Variants in FOXP2 observed in about 807,000 individuals in gnomAD.
FOXP2 encodes the protein forkhead box P2, also known as forkhead box protein P2.
A neutral mutation model predicts 115.8 loss-of-function variants in FOXP2; 12 were observed. The observed-to-expected ratio is 0.10, with a 90% confidence interval of 0.07 to 0.17. The LOEUF (loss-of-function observed/expected upper bound fraction) is 0.17, where lower values mean the gene tolerates loss of function less well. Ranked by LOEUF, FOXP2 falls within the 10% of genes least tolerant of loss-of-function variation. The probability of loss-of-function intolerance (pLI) is 1.00; values close to 1 mark genes in which losing one functional copy is unlikely to be tolerated. For missense variants in FOXP2, 629 were observed against 843.5 expected (o/e 0.75, Z 3.15); for synonymous variants, 328 against 297.7 (o/e 1.10, Z -1.05).
intron 1 of FOXP2, among the ~76,000 whole-genome samples, chr7:114,153,364 T>C (rs979565674): frequency 6.6e-6 from 1 of 152,156 alleles, no homozygotes; most frequent in Non-Finnish European, 1.5e-5. Flanking sequence ...TTGCATGCTG[T>C]CATTTTAGAT....
At chr7:114,342,496 ATACTT>A (rs775744574) in intron 2 of FOXP2, among the ~76,000 whole-genome samples, 1 of 151,458 alleles carries the variant, frequency 6.6e-6, no homozygotes, top group African/African-American at 2.4e-5. Context: ...AAATGAGAAA[ATACTT>A]TAGATAAATA....
chr7:114,590,844 C>T (rs1030891508), intron 3 of FOXP2, among the ~76,000 whole-genome samples: 3 of 152,000 alleles, frequency 2.0e-5, no homozygotes, highest in Admixed American at 2.0e-4. Flanking sequence ...AAAAATCAGA[C>T]AATCTGTTTC....
chr7:114,362,487 C>G (rs1368677079), intron 2 of FOXP2, among the ~76,000 whole-genome samples: 2 of 151,982 alleles, frequency 1.3e-5, no homozygotes, highest in African/African-American at 4.8e-5. Flanking sequence ...GAATGCCATG[C>G]TAAACAACTT....
chr7:114,462,313 A>G (rs1235396653), intron 2 of FOXP2, among the ~76,000 whole-genome samples: 2 of 146,390 alleles, frequency 1.4e-5, no homozygotes, highest in South Asian at 4.3e-4. Flanking sequence ...GGTAACAAAC[A>G]CTAAAGGACA....
At chr7:114,157,993 A>G (rs1422503569) in intron 1 of FOXP2, among the ~76,000 whole-genome samples, 1 of 152,130 alleles carries the variant, frequency 6.6e-6, no homozygotes, top group Non-Finnish European at 1.5e-5. Flanking sequence ...GAAAACAAAC[A>G]AAAAGACTTG....
In FOXP2 at chr7:114,690,132, T is replaced by C. The variant is rs563988777; in HGVS notation, c.*206T>C. The C allele has an allele frequency of 1.9e-3, 427 of 229,636 alleles. No homozygotes were observed. Among genetic ancestry groups the C allele is most frequent in the Middle Eastern group, 3.4e-3 (4 of 1,176 alleles). 14.2% of individuals were successfully genotyped at this position (229,636 alleles called of 1,614,324 possible). Reference sequence around the variant, plus strand: ...TTGTTTTCTTCTTCTTCTTCTTCTTTTTTTTTTTTTTTTTAGAAAAAAAGA... The same window carrying C: ...TTGTTTTCTTCTTCTTCTTCTTCTTCTTTTTTTTTTTTTTAGAAAAAAAGA... On this transcript the variant is annotated 3_prime_UTR_variant, in exon 17 of 17. Coordinates refer to ENST00000350908, the MANE Select transcript of FOXP2 (RefSeq NM_014491.4).
rs549246842 is a variant in FOXP2 at position 114,100,317 on chromosome 7, A to G, written c.-247+12479A>G. On this transcript the variant is annotated intron_variant, in intron 1 of 19. Transcript: ENST00000635638. ...TAATATTCATGTTTGCTAAAAATCC[A>G]TATTTGCTGAAGTTTTCCTTTAAAA... Among the ~76,000 whole-genome samples, 203 of 152,276 alleles carry G rather than the reference A, an allele frequency of 1.3e-3. 1 individual carries two copies. The South Asian group carries it at 0.015, about 11-fold the overall frequency.
chr7:114,151,074 T>C (rs899256916), intron 1 of FOXP2, among the ~76,000 whole-genome samples: 1 of 151,986 alleles, frequency 6.6e-6, no homozygotes, highest in Non-Finnish European at 1.5e-5. Flanking sequence ...CCATTTTTTT[T>C]CTCTAAATGG....
chr7:114,243,501 A>G (rs979534055), intron 1 of FOXP2, among the ~76,000 whole-genome samples: 2 of 152,102 alleles, frequency 1.3e-5, no homozygotes, highest in East Asian at 1.9e-4. Flanking sequence ...GGAGGTTGCT[A>G]TTGAGAATGG....
At chr7:114,124,841 T>C (rs1015801927) in intron 1 of FOXP2, among the ~76,000 whole-genome samples, 3 of 152,080 alleles carry the variant, frequency 2.0e-5, no homozygotes, top group Admixed American at 6.6e-5. Context: ...ATCTAAATGT[T>C]GTGTGCTGAA....
At chr7:114,539,926 G>C (rs1483704657) in intron 3 of FOXP2, among the ~76,000 whole-genome samples, 1 of 151,910 alleles carries the variant, frequency 6.6e-6, no homozygotes, top group Non-Finnish European at 1.5e-5. Flanking sequence ...GATCTCTTTG[G>C]AGCCTGTTTC....
At chr7:114,445,470 G>T (rs757807578) in intron 2 of FOXP2, among the ~76,000 whole-genome samples, 1 of 152,058 alleles carries the variant, frequency 6.6e-6, no homozygotes, top group Non-Finnish European at 1.5e-5. Flanking sequence ...TTAGTGTGTT[G>T]TGTTTCTAAG....
chr7:114,518,492 G>A (rs1798453133), intron 2 of FOXP2, among the ~76,000 whole-genome samples: 2 of 151,692 alleles, frequency 1.3e-5, no homozygotes, highest in African/African-American at 4.8e-5. Context: ...ACAGCCCTTT[G>A]ACCCAAAGAT....
intron 1 of FOXP2, among the ~76,000 whole-genome samples, chr7:114,097,973 G>A (rs572198826): frequency 3.9e-5 from 6 of 152,244 alleles, no homozygotes; most frequent in South Asian, 2.1e-4. Context: ...CTAATCTTCC[G>A]CCCAAGTCAG....
At chr7:114,391,473 G>A (rs916958169) in intron 2 of FOXP2, among the ~76,000 whole-genome samples, 4 of 152,102 alleles carry the variant, frequency 2.6e-5, no homozygotes, top group Non-Finnish European at 5.9e-5. Flanking sequence ...ATGTTTTTTG[G>A]TGTGGTACTT....
At chr7:114,681,147 AGCCTCACTGT>A (rs1808064932) in intron 16 of FOXP2, among the ~76,000 whole-genome samples, 1 of 152,202 alleles carries the variant, frequency 6.6e-6, no homozygotes, top group Non-Finnish European at 1.5e-5. Context: ...AGATATTAAA[AGCCTCACTGT>A]GCCTTATATA....
chr7:114,482,883 A>G (rs1166476663), intron 2 of FOXP2, among the ~76,000 whole-genome samples: 3 of 151,696 alleles, frequency 2.0e-5, no homozygotes, highest in Non-Finnish European at 4.4e-5. Context: ...ACTTTATGAT[A>G]GAAGAGAATC....
chr7:114,677,768 G>A (rs766971982), intron 16 of FOXP2, among the ~76,000 whole-genome samples: 1 of 152,200 alleles, frequency 6.6e-6, no homozygotes, highest in Non-Finnish European at 1.5e-5. Context: ...TAATGAGGGT[G>A]CCTGTAAAAC....
rs543083721 is a variant in FOXP2 at position 114,402,682 on chromosome 7, A to G, written c.-10-23820A>G. Among the ~76,000 whole-genome samples, 4 of 150,626 alleles carry G rather than the reference A, an allele frequency of 2.7e-5. No individual in the cohort carries two copies. In the East Asian group the frequency reaches 7.9e-4, roughly 30 times the overall value. On this transcript the variant is annotated intron_variant, in intron 2 of 17. Transcript: ENST00000634411. ...TCACCCAAGCTGGAGGCTGGAGTGC[A>G]GTGACACCATCATAGCTCACTGCCA...
Sources: gnomAD v4.1 joint callset for allele counts (sites outside exome capture counted in the v4.1 genomes callset) on GRCh38, gnomAD v4.1.1 for gene constraint, MANE v1.5 for transcripts, NCBI Gene and HGNC (gene_info 2026-07-23, HGNC 2026-07-21) for gene names.